Variants in CLEC4E observed in about 807,000 individuals in gnomAD.
CLEC4E encodes the protein C-type lectin domain family 4 member E.
A neutral mutation model predicts 24.7 loss-of-function variants in CLEC4E; 21 were observed. The ratio of observed to expected loss-of-function variants is 0.85; its 90% CI spans 0.60 to 1.22. The LOEUF is 1.22. Among genes scored for constraint, CLEC4E ranks in the 50% most tolerant of loss-of-function variants. The probability of loss-of-function intolerance (pLI) is 0.00; values close to 1 mark genes in which losing one functional copy is unlikely to be tolerated. For synonymous variants in CLEC4E, 94 were observed against 85.7 expected (o/e 1.10, Z -0.54); for missense variants, 249 against 254.1 (o/e 0.98, Z 0.14).
At chr12:8,537,685 A>T (rs1944371118) in intron 3 of CLEC4E, among the ~76,000 whole-genome samples, 1 of 152,198 alleles carries the variant, frequency 6.6e-6, no homozygotes, top group South Asian at 2.1e-4. Context: ...GATGGGTTAG[A>T]TGTGGGCGGC....
At chr12:8,535,896 T>C (rs1432628250) in intron 5 of CLEC4E, among the ~76,000 whole-genome samples, 194 bp downstream of exon 5, 5 of 152,222 alleles carry the variant, frequency 3.3e-5, no homozygotes, top group Non-Finnish European at 5.9e-5. Flanking sequence ...CAGTTCATTT[T>C]CATTTATTAT....
intron 3 of CLEC4E, among the ~76,000 whole-genome samples, chr12:8,538,567 A>C (rs2136400253): frequency 6.6e-6 from 1 of 152,222 alleles, no homozygotes; most frequent in Non-Finnish European, 1.5e-5. Context: ...GTCTCCGCGC[A>C]TTGGTGGTAG....
chr12:8,540,829 C>CTCTG lies in CLEC4E; in HGVS notation c.-33_-32insCAGA. On this transcript the variant is annotated 5_prime_UTR_variant, in exon 1 of 6. Transcript: ENST00000299663. ...TCTCTCTTTGGTTTTTTGTTTCTCT[C>CTCTG]TCTCTCTTTTTCTCTCCCTCCCTCT... is the stretch of plus-strand genomic sequence containing the variant. The CTCTG allele has an allele frequency of 7.0e-7, 1 of 1,419,318 alleles. No homozygotes were observed. Among genetic ancestry groups the CTCTG allele is most frequent in the Non-Finnish European group, 1.0e-6 (1 of 1,003,418 alleles). 87.9% of individuals were successfully genotyped at this position (1,419,318 alleles called of 1,614,324 possible). A position where few individuals can be genotyped will look rare whatever the true frequency, so the allele number is the denominator to read the frequency against.
intron 5 of CLEC4E, 147 bp downstream of exon 5, chr12:8,535,943 A>G: frequency 2.2e-6 from 1 of 448,306 alleles, no homozygotes; most frequent in Non-Finnish European, 4.1e-6. Context: ...AGGAAAGGAG[A>G]GAAGTGGGTG....
chr12:8,535,966 C>T, intron 5 of CLEC4E, 124 bp downstream of exon 5: 1 of 541,360 alleles, frequency 1.8e-6, no homozygotes, highest in Non-Finnish European at 3.4e-6. Flanking sequence ...TGTACTTCTC[C>T]TTCATCTTTT....
chr12:8,536,658 C>T (rs1378269025), intron 4 of CLEC4E, among the ~76,000 whole-genome samples: 1 of 151,960 alleles, frequency 6.6e-6, no homozygotes, highest in Non-Finnish European at 1.5e-5. Flanking sequence ...ATATACATAA[C>T]ATAAAATTAA....
In CLEC4E at chr12:8,539,854, C is replaced by T. The variant is rs1158841469; in HGVS notation, c.130+1G>A. 4 of 1,592,386 alleles carry T rather than the reference C, an allele frequency of 2.5e-6. No homozygotes were observed. The highest frequency in any genetic ancestry group is 3.4e-6 in the Non-Finnish European group (4 of 1,160,336). On this transcript the variant is annotated splice_donor_variant, in intron 2 of 5. Coordinates refer to ENST00000299663, the MANE Select transcript of CLEC4E (RefSeq NM_014358.4). LOFTEE classifies it high-confidence loss of function. ...AATTGAATTTGACCTTCAGAACCCA[C>T]CAACACATCTGGTGATGAAACAGGC...
chr12:8,536,064 ACTC>A lies in CLEC4E; in HGVS notation c.488+23_488+25del, dbSNP rs926709483. 7.2e-6 allele frequency: 10 copies of A among 1,398,058 alleles called. No homozygotes were observed. The Admixed American group carries it at 1.2e-4, about 17-fold the overall frequency. The allele number at this position is 1,398,058 out of a possible 1,614,324, so 86.6% of individuals were successfully genotyped here. ...CAGGTAACAGAAGGAGGTTTCAAGA[ACTC>A]CTCTCAATAGGAGGGTAATTACCTC... On this transcript the variant is annotated intron_variant, in intron 5 of 5. Transcript: ENST00000299663.
chr12:8,536,190 T>C lies in CLEC4E; in HGVS notation c.388A>G (p.Lys130Glu). 2 of 1,602,594 alleles carry C rather than the reference T, an allele frequency of 1.2e-6. No individual in the cohort carries two copies. Among genetic ancestry groups the C allele is most frequent in the Non-Finnish European group, 1.7e-6 (2 of 1,169,930 alleles). ...AAAAACTCTCTCATTTTAGGTTTCT[T>C]GTAGGAAAGGAATTCCTATGGAAGA... ...SQEEQEFLSY[K>E]KPKMREFFIG... Residue 130 changes from lysine (K) to glutamate (E), a missense_variant, in exon 5 of 6, where the codon AAG becomes GAG. Coordinates refer to ENST00000299663, the MANE Select transcript of CLEC4E (RefSeq NM_014358.4).
In CLEC4E at chr12:8,534,577, G is replaced by T; in HGVS notation, c.*61C>A. The T allele has an allele frequency of 1.5e-6, 2 of 1,290,442 alleles. No individual in the cohort carries two copies. Among genetic ancestry groups the T allele is most frequent in the Non-Finnish European group, 1.1e-6 (1 of 917,332 alleles). 79.9% of individuals were successfully genotyped at this position (1,290,442 alleles called of 1,614,324 possible). A position where few individuals can be genotyped will look rare whatever the true frequency, so the allele number is the denominator to read the frequency against. On this transcript the variant is annotated 3_prime_UTR_variant, in exon 6 of 6. Coordinates refer to ENST00000299663, the MANE Select transcript of CLEC4E (RefSeq NM_014358.4). ...AGCGCACAAATTTCTCGTGTGGGGCGGTGGGTGTGGCCATGTTCTTGCTCT... is the reference window on the plus strand; with the variant it reads ...AGCGCACAAATTTCTCGTGTGGGGCTGTGGGTGTGGCCATGTTCTTGCTCT...
intron 3 of CLEC4E, chr12:8,538,912 G>A (rs985332429): frequency 2.5e-5 from 10 of 397,406 alleles, no homozygotes; most frequent in Admixed American, 1.3e-4. Flanking sequence ...TACTCCATAC[G>A]TTTTTTCTCC....
Position 8,539,869 on chromosome 12 carries a change from A to T in CLEC4E, c.116T>A (p.Ile39Asn). Residue 39 changes from isoleucine (I) to asparagine (N), a missense_variant, in exon 2 of 6, where the codon ATC becomes AAC. Physicochemically the swap from Ile to Asn is moderately radical, Grantham distance 149 (BLOSUM62 -3). Transcript: ENST00000299663. ...TCAGAACCCACCAACACATCTGGTGATGAAACAGGCACTGAGAAATAGGAT... is the reference window on the plus strand; with the variant it reads ...TCAGAACCCACCAACACATCTGGTGTTGAAACAGGCACTGAGAAATAGGAT... ...IPILFLSACF[I>N]TRCVVTFRIF... 6.2e-7 allele frequency: 1 copy of T among 1,607,788 alleles called. No individual in the cohort carries two copies. The highest frequency in any genetic ancestry group is 8.5e-7 in the Non-Finnish European group (1 of 1,174,222).
At chr12:8,540,278 C>T (rs1030682055) in intron 1 of CLEC4E, among the ~76,000 whole-genome samples, 1 of 152,150 alleles carries the variant, frequency 6.6e-6, no homozygotes, top group African/African-American at 2.4e-5. Flanking sequence ...TTTTTCCTTT[C>T]TAAGTCTCTC....
intron 1 of CLEC4E, 22 bp downstream of exon 1, chr12:8,540,739 A>G (rs1406838420): frequency 6.3e-7 from 1 of 1,598,318 alleles, no homozygotes; most frequent in Admixed American, 1.7e-5. Context: ...TATGGAAGGA[A>G]AGGAAGAGTT....
intron 4 of CLEC4E, 51 bp downstream of exon 4, chr12:8,537,064 G>C (rs1172087448): frequency 1.3e-6 from 2 of 1,567,090 alleles, no homozygotes; most frequent in Admixed American, 3.5e-5. Context: ...TATGAAAAGA[G>C]AGGTGGACCA....
At chr12:8,537,329 A>G (rs1485286436) in intron 3 of CLEC4E, 63 bp from the exon 4 acceptor site, 11 of 1,514,042 alleles carry the variant, frequency 7.3e-6, no homozygotes, top group Non-Finnish European at 9.9e-6. Context: ...CCAAAGCTTC[A>G]TCTGGCCCCA....
At chr12:8,539,330 T>C (rs761629955) in intron 2 of CLEC4E, 24 bp from the exon 3 acceptor site, 2 of 1,476,346 alleles carry the variant, frequency 1.4e-6, no homozygotes, top group South Asian at 2.3e-5. Flanking sequence ...GGCATAATGT[T>C]TGTTAGTCTT....
At position 8,534,676 on chromosome 12, in the gene CLEC4E, C is replaced by A. The variant is rs763221133; in HGVS notation, c.622G>T (p.Val208Leu). ...FLNYFRICEM[V>L]GINPLNKGKS... ...CCTTTGTTCAAAGGATTTATTCCTA[C>A]CATTTCACAAATCCGAAAATAATTG... Residue 208 changes from valine to leucine, a missense_variant, in exon 6 of 6, where the codon GTA becomes TTA. Coordinates refer to ENST00000299663, the MANE Select transcript of CLEC4E (RefSeq NM_014358.4). 5 of 1,613,780 alleles carry A rather than the reference C, an allele frequency of 3.1e-6. No individual in the cohort carries two copies. Among genetic ancestry groups the A allele is most frequent in the Admixed American group, 3.3e-5 (2 of 59,984 alleles).
chr12:8,539,168 G>A, intron 3 of CLEC4E, 49 bp downstream of exon 3: 1 of 1,328,562 alleles, frequency 7.5e-7, no homozygotes, highest in Non-Finnish European at 1.1e-6. Flanking sequence ...CTAGAAGCCA[G>A]AAAATGTTGC....
Sources: gnomAD v4.1 joint callset for allele counts (sites outside exome capture counted in the v4.1 genomes callset) on GRCh38, gnomAD v4.1.1 for gene constraint, MANE v1.5 for transcripts, NCBI Gene and HGNC (gene_info 2026-07-23, HGNC 2026-07-21) for gene names.